The following SP140 variants were observed in gnomAD, a reference collection of about 807,000 sequenced individuals.
SP140 encodes SP140 nuclear body protein.
In SP140, 81 loss-of-function variants were observed where a neutral mutation model predicts 125.0. The observed-to-expected ratio is 0.65, with a 90% CI of 0.54 to 0.78. The LOEUF (loss-of-function observed/expected upper bound fraction) is 0.78. SP140 is among the 30% of genes least tolerant of loss of function. SP140 has a pLI of 0.00. For missense variants in SP140, 858 were observed against 1,037.0 expected, an observed-to-expected ratio of 0.83 and a Z score of 2.37; for synonymous variants, 312 against 354.0, an observed-to-expected ratio of 0.88 and a Z score of 1.33.
At chr2:230,216,821 C>A (rs1040601439) in intron 3 of SP140, 2 of 1,614,062 alleles carry the variant, frequency 1.2e-6, no homozygotes, top group Admixed American at 1.7e-5. Flanking sequence ...GTCTAGGAGG[C>A]CTTCAAAGAA....
At chr2:230,204,825 G>A (rs1229373191) in intron 1 of SP140, among the ~76,000 whole-genome samples, 4 of 152,136 alleles carry the variant, frequency 2.6e-5, no homozygotes, top group Non-Finnish European at 5.9e-5. Context: ...CTGATGAAAA[G>A]GAGATAACTA....
chr2:230,287,788 C>T (rs1429707433), intron 17 of SP140, 104 bp from the exon 18 acceptor site: 4 of 947,612 alleles, frequency 4.2e-6, no homozygotes, highest in Admixed American at 6.5e-5. Context: ...ATACATTAAA[C>T]AGGCTTTTGG....
intron 7 of SP140, among the ~76,000 whole-genome samples, chr2:230,247,098 C>T (rs569202863): frequency 4.1e-4 from 62 of 152,238 alleles, no homozygotes; most frequent in African/African-American, 1.4e-3. Flanking sequence ...AGGCAGTCGA[C>T]CTCCCCCTGA....
intron 15 of SP140, among the ~76,000 whole-genome samples, chr2:230,271,541 G>C (rs1019015140): frequency 1.1e-4 from 16 of 152,180 alleles, no homozygotes; most frequent in Admixed American, 1.0e-3. Flanking sequence ...GAAAGATGTG[G>C]AAAGGGCCTC....
At chr2:230,262,084 C>G (rs1000458563) in intron 12 of SP140, among the ~76,000 whole-genome samples, 4 of 151,972 alleles carry the variant, frequency 2.6e-5, no homozygotes, top group Non-Finnish European at 5.9e-5. Flanking sequence ...TGATCCTGAA[C>G]TTTTTTTTGT....
At chr2:230,278,120 T>C in intron 15 of SP140, among the ~76,000 whole-genome samples, 1 of 152,158 alleles carries the variant, frequency 6.6e-6, no homozygotes, top group East Asian at 1.9e-4. Context: ...GAGTTCCTTT[T>C]CCCCACAACC....
chr2:230,190,159 C>T, the SP140 span, among the ~76,000 whole-genome samples: 237 of 152,308 alleles, frequency 1.6e-3, 1 homozygote, highest in African/African-American at 5.6e-3. Context: ...AACTAATTTA[C>T]ACTCCCACCA....
At position 230,245,887 on chromosome 2, in the gene SP140, T is replaced by C. The variant is rs1363242916; in HGVS notation, c.689T>C (p.Ile230Thr). 33 of 1,607,638 alleles carry C rather than the reference T, an allele frequency of 2.1e-5. No individual in the cohort carries two copies. The East Asian group carries it at 7.1e-4, about 35-fold the overall frequency. Reference protein sequence around the residue: ...GGVSCKLAIQIDEGESEEMPK... With the variant: ...GGVSCKLAIQTDEGESEEMPK... Reference sequence around the variant, plus strand: ...GTGTCCTGTAAACTTGCTATACAAATAGATGAAGGAGAATCAGAAGAAATG... The same window carrying C: ...GTGTCCTGTAAACTTGCTATACAAACAGATGAAGGAGAATCAGAAGAAATG... The change falls in exon 7 of 27, where the codon ATA (isoleucine) becomes ACA (threonine). Residue 230 changes from isoleucine to threonine, a missense_variant. Physicochemically the swap from Ile to Thr is moderately conservative, Grantham distance 89 (BLOSUM62 -1). Around this residue, in one of 4 missense-constraint regions of SP140, gnomAD observed 791 missense variants for 869.5 expected, o/e 0.91. Coordinates refer to ENST00000392045, the MANE Select transcript of SP140 (RefSeq NM_007237.5).
chr2:230,258,798 A>C (rs2051689008), intron 12 of SP140, among the ~76,000 whole-genome samples: 1 of 152,202 alleles, frequency 6.6e-6, no homozygotes, highest in Admixed American at 6.5e-5. Flanking sequence ...TAACTCCAAG[A>C]ACAGTTTATA....
At position 230,241,598 on chromosome 2, in the gene SP140, C is replaced by A. The variant is rs527719247; in HGVS notation, c.490+111C>A. 41 of 677,686 alleles carry A rather than the reference C, an allele frequency of 6.1e-5. No homozygotes were observed. In the South Asian group the frequency reaches 6.2e-4, roughly 10 times the overall value. 42.0% of individuals were successfully genotyped at this position (677,686 alleles called of 1,614,324 possible). A position where few individuals can be genotyped will look rare whatever the true frequency, so the allele number is the denominator to read the frequency against. On this transcript the variant is annotated intron_variant, in intron 4 of 26. Transcript: ENST00000392045. The stretch of plus-strand genomic sequence containing the variant: ...TCTTAGCCCTCTGTTATCTCCCAGT[C>A]CTCCTCCCCTCACACAGCCATGTAC...
At chr2:230,285,593 A>T (rs946639522) in intron 16 of SP140, among the ~76,000 whole-genome samples, 159 bp from the exon 17 acceptor site, 9 of 152,192 alleles carry the variant, frequency 5.9e-5, no homozygotes, top group African/African-American at 2.2e-4. Context: ...TCCTGTGTGT[A>T]ACTTAAAAGT....
intron 3 of SP140, chr2:230,215,215 T>C (rs1288839937): frequency 1.0e-6 from 1 of 966,510 alleles, no homozygotes; most frequent in Non-Finnish European, 1.6e-6. Flanking sequence ...GCTACCTTAC[T>C]CTTTTAAGAA....
chr2:230,316,035 T>C (rs1326504555), downstream of SP140, among the ~76,000 whole-genome samples: 10 of 152,330 alleles, frequency 6.6e-5, no homozygotes, highest in Middle Eastern at 3.4e-3. Context: ...TGGACAACAG[T>C]ATATCCTTAC....
chr2:230,195,859 A>T, the SP140 span, among the ~76,000 whole-genome samples: 1 of 152,228 alleles, frequency 6.6e-6, no homozygotes, highest in Non-Finnish European at 1.5e-5. Flanking sequence ...AAATTTAAAT[A>T]TACATAGCAT....
At chr2:230,311,082 T>G (rs1353971671) in intron 24 of SP140, 72 bp from the exon 25 acceptor site, 1 of 1,610,750 alleles carries the variant, frequency 6.2e-7, no homozygotes, top group Non-Finnish European at 8.5e-7. Flanking sequence ...GTGTGAGTTC[T>G]GTGCTGTGTC....
chr2:230,228,087 T>C (rs1431903138), intron 1 of SP140, among the ~76,000 whole-genome samples: 1 of 152,166 alleles, frequency 6.6e-6, no homozygotes, highest in Non-Finnish European at 1.5e-5. Flanking sequence ...TTGCATCCCA[T>C]TCATTTTAAT....
At chr2:230,239,114 AT>A in intron 3 of SP140, 1 of 1,162,942 alleles carries the variant, frequency 8.6e-7, no homozygotes, top group Non-Finnish European at 1.1e-6. Context: ...GGATGTGTTG[AT>A]TTGTGAATAC....
chr2:230,245,227 G>C (rs1034059890), intron 6 of SP140, 147 bp downstream of exon 6: 1 of 587,598 alleles, frequency 1.7e-6, no homozygotes, highest in Non-Finnish European at 3.1e-6. Flanking sequence ...TGGGAGGCAA[G>C]AGGTAAAGGA....
rs375723534 is a variant in SP140 at position 230,216,745 on chromosome 2, G to A, written c.-91+2671G>A. On this transcript the variant is annotated intron_variant, in intron 3 of 4. Transcript: ENST00000456542. The stretch of plus-strand genomic sequence containing the variant: ...TTTAATAATCAGGCATATTGGTGGG[G>A]GCTGGGCTGCCATGGAAGGGTTCAA... The A allele has an allele frequency of 1.1e-5, 17 of 1,612,336 alleles. No individual in the cohort carries two copies. In the South Asian group the frequency reaches 1.8e-4, roughly 17 times the overall value.
Sources: allele counts gnomAD v4.1 joint callset (sites outside exome capture counted in the v4.1 genomes callset), GRCh38; gene constraint gnomAD v4.1.1; regional missense constraint gnomAD v4.1.1; transcripts MANE v1.5; gene names NCBI Gene and HGNC (gene_info 2026-07-23, HGNC 2026-07-21).